The following PACRG variants were observed in gnomAD, a reference collection of about 807,000 sequenced individuals.
The protein encoded by PACRG is parkin coregulated.
Under a neutral mutation model 29.7 loss-of-function variants are expected in PACRG, and 29 were observed. The ratio of observed to expected loss-of-function variants is 0.98; its 90% confidence interval spans 0.73 to 1.33. The LOEUF (loss-of-function observed/expected upper bound fraction) is 1.33. Ranked by LOEUF, PACRG falls within the 40% of genes most tolerant of loss-of-function variation. The probability of loss-of-function intolerance (pLI) is 0.00; values close to 1 mark genes in which losing one functional copy is unlikely to be tolerated. For synonymous variants in PACRG, 116 were observed against 118.7 expected (o/e 0.98, Z 0.15); for missense variants, 279 against 316.2 (o/e 0.88, Z 0.89).
At chr6:163,255,343 G>A (rs898715454) in intron 4 of PACRG, among the ~76,000 whole-genome samples, 5 of 152,204 alleles carry the variant, frequency 3.3e-5, no homozygotes, top group Non-Finnish European at 5.9e-5. Context: ...TTTCCAGGCA[G>A]GCAGGCAGGT....
At chr6:163,240,550 G>C (rs1782459152) in intron 4 of PACRG, among the ~76,000 whole-genome samples, 1 of 151,996 alleles carries the variant, frequency 6.6e-6, no homozygotes, top group Non-Finnish European at 1.5e-5. Context: ...CACCTCCTTG[G>C]TCCCCTCCTC....
At chr6:162,788,871 T>G (rs1223064444) in intron 1 of PACRG, among the ~76,000 whole-genome samples, 1 of 152,170 alleles carries the variant, frequency 6.6e-6, no homozygotes, top group Non-Finnish European at 1.5e-5. Context: ...TTATTTTGAG[T>G]TTGAAGAGTT....
At chr6:163,034,594 C>A (rs1807985637) in intron 2 of PACRG, among the ~76,000 whole-genome samples, 1 of 152,138 alleles carries the variant, frequency 6.6e-6, no homozygotes, top group African/African-American at 2.4e-5. Context: ...CATTCTTTAC[C>A]TGGCTATATG....
At chr6:163,273,333 A>T (rs1783910181) in intron 4 of PACRG, among the ~76,000 whole-genome samples, 2 of 152,188 alleles carry the variant, frequency 1.3e-5, no homozygotes, top group African/African-American at 4.8e-5. Context: ...AGAGAAAAAA[A>T]ATCTTAAGGT....
chr6:163,023,275 T>C (rs1004873535), intron 2 of PACRG, among the ~76,000 whole-genome samples: 2 of 152,210 alleles, frequency 1.3e-5, no homozygotes, highest in African/African-American at 2.4e-5. Context: ...CTTGTTCATG[T>C]CCACGTGTGC....
chr6:162,926,962 AAAAC>A (rs1488295397), intron 2 of PACRG, among the ~76,000 whole-genome samples: 3 of 152,174 alleles, frequency 2.0e-5, no homozygotes, highest in Non-Finnish European at 2.9e-5. Flanking sequence ...TTTACAAGAA[AAAAC>A]AAACAACTCC....
At chr6:163,109,382 T>C (rs1175983875) in intron 4 of PACRG, among the ~76,000 whole-genome samples, 1 of 152,214 alleles carries the variant, frequency 6.6e-6, no homozygotes, top group East Asian at 1.9e-4. Context: ...TAGCAAATTC[T>C]TCTTTGTTCT....
At chr6:163,062,421 C>CT in intron 3 of PACRG, 100 bp downstream of exon 3, 1 of 1,304,962 alleles carries the variant, frequency 7.7e-7, no homozygotes, top group Non-Finnish European at 1.0e-6. Flanking sequence ...AGGTGATCCC[C>CT]AGTTTTGCAG....
chr6:162,991,946 T>G (rs1187712774), intron 2 of PACRG, among the ~76,000 whole-genome samples: 2 of 121,070 alleles, frequency 1.7e-5, no homozygotes, highest in Non-Finnish European at 3.2e-5. Flanking sequence ...GTTTTTAGCA[T>G]GAAGGGTTGT....
rs189367216 is a variant in PACRG at position 163,202,466 on chromosome 6, C to T, written c.614-112361C>T. Among the ~76,000 whole-genome samples, 547 of 151,890 alleles carry T rather than the reference C, an allele frequency of 3.6e-3. 1 individual carries two copies. Among genetic ancestry groups the T allele is most frequent in the Middle Eastern group, 6.8e-3 (2 of 294 alleles). The stretch of plus-strand genomic sequence containing the variant: ...GTATGAGCATACATATGTATGTGTG[C>T]GTGTATATGTGTGTATAAATATTAT... On this transcript the variant is annotated intron_variant, in intron 4 of 4. Transcript: ENST00000366888.
intron 3 of PACRG, among the ~76,000 whole-genome samples, chr6:163,082,438 A>G (rs763990890): frequency 9.5e-4 from 145 of 152,318 alleles, no homozygotes; most frequent in Non-Finnish European, 1.6e-3. Flanking sequence ...AGAAAGAACA[A>G]TGAGAAATAG....
chr6:162,860,882 T>A (rs750063965), intron 2 of PACRG, among the ~76,000 whole-genome samples: 14 of 152,292 alleles, frequency 9.2e-5, no homozygotes, highest in Non-Finnish European at 1.5e-4. Flanking sequence ...AAAAACCTGA[T>A]GAATTTAGGT....
chr6:162,899,328 T>C (rs1198649709), intron 2 of PACRG, among the ~76,000 whole-genome samples: 1 of 152,052 alleles, frequency 6.6e-6, no homozygotes, highest in African/African-American at 2.4e-5. Context: ...TGAGGCTTGG[T>C]AACAACCAGA....
At chr6:162,942,788 A>G (rs1798725939) in intron 2 of PACRG, among the ~76,000 whole-genome samples, 1 of 152,140 alleles carries the variant, frequency 6.6e-6, no homozygotes, top group Non-Finnish European at 1.5e-5. Flanking sequence ...GAAATCGTAT[A>G]TGGAGGGGGC....
chr6:162,883,725 T>C (rs900977106), intron 2 of PACRG, among the ~76,000 whole-genome samples: 1 of 151,822 alleles, frequency 6.6e-6, no homozygotes, highest in African/African-American at 2.4e-5. Context: ...TATGTATGTA[T>C]ATATCTGCAT....
intron 2 of PACRG, among the ~76,000 whole-genome samples, chr6:162,966,724 C>T (rs1348932721): frequency 6.6e-6 from 1 of 151,966 alleles, no homozygotes; most frequent in African/African-American, 2.4e-5. Flanking sequence ...GATCCACCCA[C>T]CTCCCCCTCC....
intron 2 of PACRG, among the ~76,000 whole-genome samples, chr6:162,983,503 G>C (rs1802607436): frequency 6.6e-6 from 1 of 151,910 alleles, no homozygotes; most frequent in Non-Finnish European, 1.5e-5. Flanking sequence ...ATGCTGGATT[G>C]GTAGTGGTGA....
At chr6:162,825,050 G>A (rs915257330) in intron 2 of PACRG, among the ~76,000 whole-genome samples, 1 of 151,890 alleles carries the variant, frequency 6.6e-6, no homozygotes, top group African/African-American at 2.4e-5. Flanking sequence ...TGACACTTTT[G>A]TTTTTCTTGT....
At chr6:162,810,076 TGGG>T (rs1786710708) in intron 1 of PACRG, among the ~76,000 whole-genome samples, 1 of 152,054 alleles carries the variant, frequency 6.6e-6, no homozygotes, top group Admixed American at 6.5e-5. Context: ...GTGTGGACAA[TGGG>T]GGAGCAGTAA....
Sources: gnomAD v4.1 joint callset for allele counts (sites outside exome capture counted in the v4.1 genomes callset) on GRCh38, gnomAD v4.1.1 for gene constraint, MANE v1.5 for transcripts, NCBI Gene and HGNC (gene_info 2026-07-23, HGNC 2026-07-21) for gene names.